The following CCBE1 variants were observed in gnomAD, a reference collection of about 807,000 sequenced individuals.
CCBE1 encodes the protein collagen and calcium binding EGF domains 1.
Under a neutral mutation model 50.0 loss-of-function variants are expected in CCBE1, and 37 were observed. That is an observed-to-expected ratio of 0.74 (90% confidence interval 0.57 to 0.97). The LOEUF (loss-of-function observed/expected upper bound fraction) is 0.97. Among genes scored for constraint, CCBE1 ranks in the 50% least tolerant of loss-of-function variants. The pLI, the probability that CCBE1 is intolerant of heterozygous loss-of-function variation, is 0.00. For synonymous variants in CCBE1, 234 were observed against 203.7 expected, an observed-to-expected ratio of 1.15 and a Z score of -1.27; for missense variants, 538 against 523.8, an observed-to-expected ratio of 1.03 and a Z score of -0.26.
Position 59,455,523 on chromosome 18 carries a change from G to A in CCBE1, c.554-572C>T, listed in dbSNP as rs571918402. Among the ~76,000 whole-genome samples the A allele has an allele frequency of 1.6e-4, 25 of 152,318 alleles. 1 individual carries two copies. Among genetic ancestry groups the A allele is most frequent in the African/African-American group, 5.5e-4 (23 of 41,564 alleles). ...AGGACAGCACTGGAAACGCAGTCGG[G>A]CCCAACCACTGCAAAGGGTCCCAAA... On this transcript the variant is annotated intron_variant, in intron 5 of 10. Coordinates refer to ENST00000439986, the MANE Select transcript of CCBE1 (RefSeq NM_133459.4).
intron 2 of CCBE1, among the ~76,000 whole-genome samples, chr18:59,671,430 C>T (rs892335816): frequency 1.3e-5 from 2 of 149,038 alleles, no homozygotes; most frequent in Non-Finnish European, 3.0e-5. Context: ...CCCAGGAGGT[C>T]GAGGCTGCAG....
chr18:59,545,936 CTT>C (rs148288891), intron 2 of CCBE1, among the ~76,000 whole-genome samples: 6,325 of 152,272 alleles, frequency 0.042, 275 homozygotes, highest in African/African-American at 0.11. Context: ...AGGTACGTCT[CTT>C]TGTCAGCAGC....
chr18:59,584,226 C>T (rs995072723), intron 2 of CCBE1, among the ~76,000 whole-genome samples: 1 of 151,788 alleles, frequency 6.6e-6, no homozygotes, highest in Non-Finnish European at 1.5e-5. Flanking sequence ...TAGAAACCAT[C>T]ATTCTCAGTA....
chr18:59,690,852 G>A (rs2054720782), intron 2 of CCBE1, among the ~76,000 whole-genome samples: 1 of 152,222 alleles, frequency 6.6e-6, no homozygotes, highest in African/African-American at 2.4e-5. Context: ...GCCAGTGTCT[G>A]TGGCACAATT....
intron 2 of CCBE1, among the ~76,000 whole-genome samples, chr18:59,634,125 C>T (rs2053887569): frequency 2.0e-5 from 3 of 152,216 alleles, no homozygotes; most frequent in Non-Finnish European, 4.4e-5. Flanking sequence ...CAAGCTAAAA[C>T]TCAAACTGAA....
chr18:59,452,684 C>A (rs189029511), intron 6 of CCBE1, among the ~76,000 whole-genome samples: 472 of 152,296 alleles, frequency 3.1e-3, no homozygotes, highest in Middle Eastern at 0.01. Context: ...CCTGCCCTCT[C>A]GGACGGTTAT....
At chr18:59,486,602 C>T (rs1435158490) in intron 2 of CCBE1, among the ~76,000 whole-genome samples, 1 of 152,172 alleles carries the variant, frequency 6.6e-6, no homozygotes, top group African/African-American at 2.4e-5. Context: ...AACTTCATAC[C>T]TGGGAGGCTC....
intron 2 of CCBE1, among the ~76,000 whole-genome samples, chr18:59,652,187 G>A (rs2054135618): frequency 6.6e-6 from 1 of 152,110 alleles, no homozygotes; most frequent in Non-Finnish European, 1.5e-5. Flanking sequence ...ACTGCAAATG[G>A]CAGGATTTCA....
chr18:59,647,698 T>A (rs749396115), intron 2 of CCBE1, among the ~76,000 whole-genome samples: 1 of 152,244 alleles, frequency 6.6e-6, no homozygotes, highest in Non-Finnish European at 1.5e-5. Flanking sequence ...AAATGTGCAA[T>A]GTTCATCTAG....
intron 2 of CCBE1, among the ~76,000 whole-genome samples, chr18:59,585,347 G>A (rs1201222880): frequency 6.6e-6 from 1 of 151,422 alleles, no homozygotes; most frequent in African/African-American, 2.4e-5. Context: ...TACATTTTTG[G>A]CCATTTTACA....
chr18:59,558,888 GC>G (rs1280694503), intron 2 of CCBE1, among the ~76,000 whole-genome samples: 6 of 152,236 alleles, frequency 3.9e-5, no homozygotes, highest in African/African-American at 1.4e-4. Flanking sequence ...GTTTGAGAAA[GC>G]TGTTGAAGAG....
rs1395872048 is a variant in CCBE1 at position 59,477,598 on chromosome 18, C to T, written c.265+2588G>A. ...CATGCCAATCTTTGTTTTCTTCCTT[C>T]TTTTATCTTCTTATCATATGTCATA... On this transcript the variant is annotated intron_variant, in intron 3 of 10. Transcript: ENST00000439986. 2.6e-5 allele frequency among the ~76,000 whole-genome samples: 4 copies of T among 151,174 alleles called. No homozygotes were observed. In the East Asian group the frequency reaches 7.9e-4, roughly 30 times the overall value.
intron 2 of CCBE1, among the ~76,000 whole-genome samples, chr18:59,559,971 T>A (rs979889742): frequency 6.6e-6 from 1 of 152,050 alleles, no homozygotes; most frequent in South Asian, 2.1e-4. Flanking sequence ...AGGGTGACAA[T>A]GGACTTTCAC....
intron 2 of CCBE1, among the ~76,000 whole-genome samples, chr18:59,611,241 G>A (rs2053565108): frequency 6.6e-6 from 1 of 152,226 alleles, no homozygotes; most frequent in South Asian, 2.1e-4. Context: ...TTGCTTCCGA[G>A]TAAGAGCTGG....
chr18:59,488,676 C>T (rs1912942213), intron 2 of CCBE1, among the ~76,000 whole-genome samples: 2 of 152,160 alleles, frequency 1.3e-5, no homozygotes, highest in South Asian at 4.2e-4. Flanking sequence ...TGCTTGCCGG[C>T]TTCAGTCCTT....
chr18:59,475,746 C>T (rs989674653), intron 3 of CCBE1, among the ~76,000 whole-genome samples: 45 of 151,906 alleles, frequency 3.0e-4, no homozygotes, highest in Admixed American at 3.0e-3. Flanking sequence ...GAGATGGAGT[C>T]TCGTTCTGTC....
intron 2 of CCBE1, among the ~76,000 whole-genome samples, chr18:59,679,935 C>T (rs1005670105): frequency 6.6e-6 from 1 of 152,078 alleles, no homozygotes; most frequent in Admixed American, 6.6e-5. Flanking sequence ...CCAAAGGAGG[C>T]AATCAAGGCC....
At chr18:59,542,566 T>C (rs10503029) in intron 2 of CCBE1, among the ~76,000 whole-genome samples, 12,947 of 152,258 alleles carry the variant, frequency 0.085, 1,116 homozygotes, top group East Asian at 0.43. Flanking sequence ...AAGTCATCCT[T>C]AATGTTCTAT....
chr18:59,482,460 A>T (rs908676094), intron 2 of CCBE1, among the ~76,000 whole-genome samples: 34 of 152,332 alleles, frequency 2.2e-4, no homozygotes, highest in African/African-American at 7.7e-4. Context: ...TACCCTAAGG[A>T]TTATAAATCA....
Sources: gnomAD v4.1 joint callset for allele counts (sites outside exome capture counted in the v4.1 genomes callset) on GRCh38, gnomAD v4.1.1 for gene constraint, MANE v1.5 for transcripts, NCBI Gene and HGNC (gene_info 2026-07-23, HGNC 2026-07-21) for gene names.